The following WDFY2 variants were observed in gnomAD, a reference collection of about 807,000 sequenced individuals.
WDFY2 encodes WD repeat and FYVE domain-containing protein 2.
WDFY2 carries 36 observed loss-of-function variants against 56.4 expected under a neutral mutation model. The observed-to-expected ratio is 0.64, with a 90% CI of 0.49 to 0.84. The LOEUF (loss-of-function observed/expected upper bound fraction) is 0.84. Ranked by LOEUF, WDFY2 falls within the 40% of genes least tolerant of loss-of-function variation. WDFY2 has a pLI of 0.00. For missense variants in WDFY2, 444 were observed against 512.2 expected (o/e 0.87, Z 1.29); for synonymous variants, 176 against 183.7 (o/e 0.96, Z 0.34).
intron 1 of WDFY2, chr13:51,587,922 C>T (rs1264942793): frequency 6.6e-6 from 1 of 152,132 alleles, no homozygotes; most frequent in Non-Finnish European, 1.5e-5. Context: ...AAATTCTTGC[C>T]TTCAGGTTCC....
intron 1 of WDFY2, among the ~76,000 whole-genome samples, chr13:51,620,124 A>C (rs1309037780): frequency 6.6e-6 from 1 of 152,108 alleles, no homozygotes; most frequent in Non-Finnish European, 1.5e-5. Context: ...AGTCTGATGC[A>C]ACAATTTAAT....
At chr13:51,746,107 C>T (rs959256808) in intron 7 of WDFY2, among the ~76,000 whole-genome samples, 3 of 151,378 alleles carry the variant, frequency 2.0e-5, no homozygotes, top group Non-Finnish European at 4.4e-5. Flanking sequence ...TCCCAAGTAG[C>T]TGGGATTACA....
At chr13:51,601,336 C>T (rs1338402698) in intron 1 of WDFY2, among the ~76,000 whole-genome samples, 1 of 151,972 alleles carries the variant, frequency 6.6e-6, no homozygotes, top group Non-Finnish European at 1.5e-5. Flanking sequence ...GAATATGTAC[C>T]ATCGGCCAGA....
At chr13:51,710,745 C>T (rs1952194612) in intron 4 of WDFY2, among the ~76,000 whole-genome samples, 1 of 152,112 alleles carries the variant, frequency 6.6e-6, no homozygotes, top group Non-Finnish European at 1.5e-5. Context: ...TGTGAAGGAC[C>T]TCTTCAAGGA....
chr13:51,617,400 C>T (rs1338044296), intron 1 of WDFY2, among the ~76,000 whole-genome samples: 1 of 151,578 alleles, frequency 6.6e-6, no homozygotes, highest in Non-Finnish European at 1.5e-5. Context: ...AGTGTAGTGG[C>T]GTGATCTCAG....
intron 3 of WDFY2, among the ~76,000 whole-genome samples, chr13:51,698,577 A>G (rs1316087542): frequency 1.3e-5 from 2 of 152,244 alleles, no homozygotes; most frequent in Admixed American, 1.3e-4. Context: ...CTGCAATAGC[A>G]TACTAATGCT....
intron 1 of WDFY2, among the ~76,000 whole-genome samples, chr13:51,616,222 A>G (rs983352694): frequency 3.9e-5 from 6 of 152,168 alleles, no homozygotes; most frequent in Non-Finnish European, 7.4e-5. Flanking sequence ...GGGCAACAGA[A>G]TAAGACCCTG....
intron 4 of WDFY2, among the ~76,000 whole-genome samples, chr13:51,708,250 T>C (rs1415781496): frequency 6.6e-6 from 1 of 151,562 alleles, no homozygotes; most frequent in East Asian, 1.9e-4. Flanking sequence ...CCTAGCACTT[T>C]GGGAAGCTGA....
chr13:51,626,128 A>G (rs1051382115), intron 1 of WDFY2, among the ~76,000 whole-genome samples: 1 of 152,022 alleles, frequency 6.6e-6, no homozygotes, highest in Non-Finnish European at 1.5e-5. Flanking sequence ...TGAACTCTTA[A>G]ATAAATGAGG....
chr13:51,748,389 T>A (rs1953152723), intron 7 of WDFY2, among the ~76,000 whole-genome samples: 1 of 152,210 alleles, frequency 6.6e-6, no homozygotes, highest in South Asian at 2.1e-4. Context: ...AAACTTTGCC[T>A]TGCTGAGAAA....
intron 7 of WDFY2, among the ~76,000 whole-genome samples, chr13:51,745,434 A>G (rs184858214): frequency 6.6e-6 from 1 of 152,342 alleles, no homozygotes; most frequent in East Asian, 1.9e-4. Context: ...TAGCAGACGC[A>G]CAGCTGGCTT....
chr13:51,663,717 A>G (rs1055180484), intron 2 of WDFY2, among the ~76,000 whole-genome samples: 14 of 152,160 alleles, frequency 9.2e-5, no homozygotes, highest in Admixed American at 9.2e-4. Context: ...AGTCCTTCCT[A>G]TTGAGAGGGG....
chr13:51,721,137 T>G (rs187430160), intron 5 of WDFY2, among the ~76,000 whole-genome samples: 1 of 152,230 alleles, frequency 6.6e-6, no homozygotes, highest in African/African-American at 2.4e-5. Context: ...TTTTTAGAAT[T>G]CAGTCTACAC....
intron 1 of WDFY2, among the ~76,000 whole-genome samples, chr13:51,609,083 T>G (rs957158616): frequency 6.6e-6 from 1 of 152,168 alleles, no homozygotes; most frequent in Non-Finnish European, 1.5e-5. Flanking sequence ...ATCTTCCTAT[T>G]CAACTCTTTG....
intron 3 of WDFY2, among the ~76,000 whole-genome samples, chr13:51,695,479 G>T (rs1173680237): frequency 6.6e-6 from 1 of 152,192 alleles, no homozygotes; most frequent in Non-Finnish European, 1.5e-5. Context: ...TACCAGCAGC[G>T]ATGGCTGGAG....
chr13:51,755,336 G>C, intron 8 of WDFY2, 22 bp from the exon 9 acceptor site: 2 of 1,612,448 alleles, frequency 1.2e-6, no homozygotes, highest in Non-Finnish European at 1.7e-6. Context: ...ACAGTGACCT[G>C]TTCTGTGCTT....
At chr13:51,687,697 G>A (rs1001394329) in intron 3 of WDFY2, among the ~76,000 whole-genome samples, 1 of 151,956 alleles carries the variant, frequency 6.6e-6, no homozygotes. Context: ...GAACGATGCT[G>A]GACATGTTGG....
At chr13:51,641,683 G>A (rs906621978) in intron 1 of WDFY2, among the ~76,000 whole-genome samples, 2 of 150,266 alleles carry the variant, frequency 1.3e-5, no homozygotes, top group African/African-American at 2.4e-5. Flanking sequence ...AAAATTAGCC[G>A]GGCGTAGTGG....
chr13:51,695,963 C>T (rs1012721717), intron 3 of WDFY2, among the ~76,000 whole-genome samples: 6 of 152,202 alleles, frequency 3.9e-5, no homozygotes, highest in African/African-American at 1.2e-4. Flanking sequence ...AGACTGTGGG[C>T]GTAGGACCCT....
Sources: gnomAD v4.1 joint callset for allele counts (sites outside exome capture counted in the v4.1 genomes callset) on GRCh38, gnomAD v4.1.1 for gene constraint, MANE v1.5 for transcripts, NCBI Gene and HGNC (gene_info 2026-07-23, HGNC 2026-07-21) for gene names.